C1orf21: variants seen among roughly 807,000 people sequenced by gnomAD.
The protein encoded by C1orf21 is chromosome 1 open reading frame 21.
Under a neutral mutation model 18.7 loss-of-function variants are expected in C1orf21, and 3 were observed. The observed-to-expected ratio is 0.16, with a 90% confidence interval of 0.07 to 0.42. The LOEUF is 0.42. Among genes scored for constraint, C1orf21 ranks in the 10% least tolerant of loss-of-function variants. The probability of loss-of-function intolerance (pLI) is 0.99; values close to 1 mark genes in which losing one functional copy is unlikely to be tolerated. For missense variants in C1orf21, 104 were observed against 143.6 expected (o/e 0.72, Z 1.41); for synonymous variants, 41 against 46.4 (o/e 0.88, Z 0.47).
chr1:184,492,094 G>GAGATA (rs538212864), intron 2 of C1orf21, among the ~76,000 whole-genome samples: 55 of 152,286 alleles, frequency 3.6e-4, no homozygotes, highest in Non-Finnish European at 5.9e-5. Flanking sequence ...ACTCCTCTTA[G>GAGATA]AGATCACAGT....
intron 2 of C1orf21, among the ~76,000 whole-genome samples, chr1:184,506,486 A>G (rs1658063851): frequency 6.6e-6 from 1 of 152,178 alleles, no homozygotes; most frequent in Admixed American, 6.5e-5. Context: ...AAGAAAATAT[A>G]TTGCAACTTT....
intron 1 of C1orf21, among the ~76,000 whole-genome samples, chr1:184,396,434 G>GA (rs1398265510): frequency 6.6e-6 from 1 of 152,118 alleles, no homozygotes; most frequent in Non-Finnish European, 1.5e-5. Context: ...GCAGGAGAGT[G>GA]ATAAAGGGGA....
At chr1:184,540,248 T>A (rs767323947) in intron 3 of C1orf21, 10 of 152,210 alleles carry the variant, frequency 6.6e-5, no homozygotes, top group Non-Finnish European at 1.2e-4. Flanking sequence ...TTAGTTCAAT[T>A]TAGTTGTTAT....
intron 3 of C1orf21, among the ~76,000 whole-genome samples, chr1:184,581,966 A>G (rs1659282551): frequency 6.6e-6 from 1 of 152,366 alleles, no homozygotes; most frequent in East Asian, 1.9e-4. Flanking sequence ...TAATAACTCT[A>G]ATAATCTCTG....
chr1:184,531,650 A>AT (rs962120376), intron 3 of C1orf21, among the ~76,000 whole-genome samples: 26 of 151,622 alleles, frequency 1.7e-4, no homozygotes, highest in South Asian at 1.7e-3. Flanking sequence ...TTAGGGCCAG[A>AT]TTTTTTTTTC....
chr1:184,609,899 G>T (rs1438159545), intron 5 of C1orf21, among the ~76,000 whole-genome samples: 1 of 152,212 alleles, frequency 6.6e-6, no homozygotes, highest in Non-Finnish European at 1.5e-5. Flanking sequence ...TGTTGGAGAT[G>T]AATTTTTCCA....
intron 3 of C1orf21, among the ~76,000 whole-genome samples, chr1:184,585,123 T>C (rs1659334876): frequency 6.6e-6 from 1 of 152,220 alleles, no homozygotes; most frequent in Non-Finnish European, 1.5e-5. Flanking sequence ...CCATATAGCA[T>C]AATTAAATAA....
At chr1:184,430,376 A>G (rs1656721099) in intron 1 of C1orf21, among the ~76,000 whole-genome samples, 1 of 152,196 alleles carries the variant, frequency 6.6e-6, no homozygotes, top group Admixed American at 6.5e-5. Context: ...TGTGATTTCA[A>G]ACAGCACAGT....
intron 2 of C1orf21, among the ~76,000 whole-genome samples, chr1:184,501,613 C>T (rs1657977563): frequency 6.6e-6 from 1 of 152,200 alleles, no homozygotes; most frequent in Admixed American, 6.5e-5. Flanking sequence ...TGCTTCCTTT[C>T]CTAGACATAT....
rs754487537 is a variant in C1orf21, at chr1:184,619,502, T to C, written c.328-16T>C. ...AATTTCTCATTCACATGCTCTTTTT[T>C]CTTTTTCCCTCCAAGGGTCGGGATT... On this transcript the variant is annotated splice_polypyrimidine_tract_variant and intron_variant, in intron 5 of 5. Coordinates refer to ENST00000235307, the MANE Select transcript of C1orf21 (RefSeq NM_030806.4). 3 of 1,610,704 alleles carry C rather than the reference T, an allele frequency of 1.9e-6. No individual in the cohort carries two copies. The highest frequency in any genetic ancestry group is 1.3e-5 in the African/African-American group (1 of 74,764).
intron 1 of C1orf21, among the ~76,000 whole-genome samples, chr1:184,465,953 G>T (rs1343002520): frequency 6.6e-6 from 1 of 152,146 alleles, no homozygotes; most frequent in Non-Finnish European, 1.5e-5. Context: ...CCGTCTCCTG[G>T]TGGTCAGCCT....
At chr1:184,456,965 TAG>T (rs1447910813) in intron 1 of C1orf21, among the ~76,000 whole-genome samples, 1 of 152,192 alleles carries the variant, frequency 6.6e-6, no homozygotes, top group African/African-American at 2.4e-5. Context: ...TTTGAGCATT[TAG>T]AGAGTTATAA....
chr1:184,444,182 C>T (rs183283663), intron 1 of C1orf21, among the ~76,000 whole-genome samples: 2 of 152,232 alleles, frequency 1.3e-5, no homozygotes, highest in East Asian at 3.9e-4. Context: ...CCTCTTATCC[C>T]CAGCTTTGTA....
Position 184,403,933 on chromosome 1 carries a change from C to T in C1orf21, c.-125+16565C>T, listed in dbSNP as rs547713279. Among the ~76,000 whole-genome samples, 3 of 152,208 alleles carry T rather than the reference C, an allele frequency of 2.0e-5. No homozygotes were observed. The East Asian group carries it at 5.8e-4, about 29-fold the overall frequency. ...TTTAACACTAAGCAGTTTTTTGGTA[C>T]CATTTATGCAAAATATCATCATAGT... is the stretch of plus-strand genomic sequence containing the variant. On this transcript the variant is annotated intron_variant, in intron 1 of 5. Transcript: ENST00000235307.
intron 1 of C1orf21, among the ~76,000 whole-genome samples, chr1:184,471,272 T>C (rs2101988098): frequency 6.6e-6 from 1 of 152,332 alleles, no homozygotes; most frequent in East Asian, 1.9e-4. Flanking sequence ...GCTGTGTTTA[T>C]TTTTCCAGCA....
At chr1:184,413,852 C>T (rs991225348) in intron 1 of C1orf21, among the ~76,000 whole-genome samples, 1 of 152,278 alleles carries the variant, frequency 6.6e-6, no homozygotes, top group East Asian at 1.9e-4. Flanking sequence ...AGGAGATTCT[C>T]AAAATCAGAG....
In C1orf21 at chr1:184,507,671, C is replaced by G. The variant is rs201853423; in HGVS notation, c.178C>G (p.Gln60Glu). 1.3e-6 allele frequency: 2 copies of G among 1,586,334 alleles called. No individual in the cohort carries two copies. Among genetic ancestry groups the G allele is most frequent in the African/African-American group, 1.4e-5 (1 of 72,940 alleles). ...EEEQKIAARN[Q>E]ENLEKSASSN... ...AGAGCAGAAAATAGCAGCCAGGAAC[C>G]AAGAAAACTTGGTAAGAATTGATTT... is the stretch of plus-strand genomic sequence containing the variant. Residue 60 changes from glutamine to glutamate, a missense_variant, in exon 3 of 6, where the codon CAA (glutamine) becomes GAA (glutamate). Transcript: ENST00000235307.
intron 1 of C1orf21, among the ~76,000 whole-genome samples, chr1:184,432,163 C>T (rs1352215945): frequency 6.6e-6 from 1 of 152,186 alleles, no homozygotes; most frequent in Non-Finnish European, 1.5e-5. Context: ...CCAGCAATCC[C>T]ATTACTGGGT....
chr1:184,460,626 T>G (rs74131684), intron 1 of C1orf21, among the ~76,000 whole-genome samples: 738 of 23,498 alleles, frequency 0.031, 4 homozygotes, highest in Non-Finnish European at 0.042. Flanking sequence ...CGTCGTCTTC[T>G]TCTTCTTCTT....
Sources: allele counts gnomAD v4.1 joint callset (sites outside exome capture counted in the v4.1 genomes callset), GRCh38; gene constraint gnomAD v4.1.1; transcripts MANE v1.5; gene names NCBI Gene and HGNC (gene_info 2026-07-23, HGNC 2026-07-21).